Variants in COPG1 observed in about 807,000 individuals in gnomAD.
COPG1 encodes the protein coatomer subunit gamma-1.
A neutral mutation model predicts 102.8 loss-of-function variants in COPG1; 29 were observed. That is an observed-to-expected ratio of 0.28 (90% CI 0.21 to 0.38). The LOEUF is 0.38. Among genes scored for constraint, COPG1 ranks in the 10% least tolerant of loss-of-function variants. COPG1 has a pLI of 1.00. For synonymous variants in COPG1, 406 were observed against 421.6 expected (o/e 0.96, Z 0.45); for missense variants, 875 against 1,132.7 (o/e 0.77, Z 3.27).
chr3:129,255,594 T>A (rs180842915), intron 7 of COPG1, among the ~76,000 whole-genome samples: 23 of 152,046 alleles, frequency 1.5e-4, no homozygotes, highest in Non-Finnish European at 3.1e-4. Flanking sequence ...GCGATTCACA[T>A]GCCTCAGCCA....
intron 16 of COPG1, 138 bp from the exon 17 acceptor site, chr3:129,268,357 A>G (rs1940111004): frequency 3.7e-6 from 3 of 801,202 alleles, no homozygotes; most frequent in Non-Finnish European, 1.9e-6. Context: ...GAGAATGCAG[A>G]GGCTTAGAGA....
intron 6 of COPG1, 55 bp from the exon 7 acceptor site, chr3:129,254,930 G>C (rs940247719): frequency 6.8e-7 from 1 of 1,468,308 alleles, no homozygotes; most frequent in Non-Finnish European, 9.5e-7. Context: ...CTGCACTCCT[G>C]AGAGCTGCCA....
chr3:129,276,309 C>T (rs1410999925), intron 23 of COPG1, among the ~76,000 whole-genome samples: 4 of 152,108 alleles, frequency 2.6e-5, no homozygotes, highest in Non-Finnish European at 4.4e-5. Flanking sequence ...GTCTTATTTT[C>T]TACAGGGTTG....
At chr3:129,277,227 C>T (rs1328009007) in intron 23 of COPG1, 67 bp from the exon 24 acceptor site, 1 of 1,555,038 alleles carries the variant, frequency 6.4e-7, no homozygotes, top group Non-Finnish European at 8.8e-7. Flanking sequence ...GCTGCAAATG[C>T]CATCCTTAGC....
At chr3:129,273,971 C>T (rs888092624) in intron 21 of COPG1, 4 of 454,348 alleles carry the variant, frequency 8.8e-6, no homozygotes, top group African/African-American at 8.0e-5. Context: ...GACCATTATG[C>T]TCAGCCTGTG....
Position 129,275,102 on chromosome 3 carries a change from A to T in COPG1, c.2396-92A>T. 6.7e-7 allele frequency: 1 copy of T among 1,498,858 alleles called. No homozygotes were observed. The highest frequency in any genetic ancestry group is 2.3e-5 in the East Asian group (1 of 44,092). 92.8% of individuals were successfully genotyped at this position (1,498,858 alleles called of 1,614,324 possible). A position where few individuals can be genotyped will look rare whatever the true frequency, so the allele number is the denominator to read the frequency against. Reference sequence around the variant, plus strand: ...GTCTGGAGCACATATGTCAAATGCCACTTCATTAAAAGCCCTTCAGAACAT... The same window carrying T: ...GTCTGGAGCACATATGTCAAATGCCTCTTCATTAAAAGCCCTTCAGAACAT... On this transcript the variant is annotated intron_variant, in intron 22 of 23. Coordinates refer to ENST00000314797, the MANE Select transcript of COPG1 (RefSeq NM_016128.4). This position sits in a 1 kb window ranked among gnomAD's most constrained non-coding sequence, Gnocchi z 5.0.
At chr3:129,259,611 A>G (rs143822876) in intron 10 of COPG1, among the ~76,000 whole-genome samples, 1 of 151,978 alleles carries the variant, frequency 6.6e-6, no homozygotes, top group Admixed American at 6.6e-5. Context: ...ATTAAGAAAA[A>G]TTTTTTTTGA....
chr3:129,252,395 G>A (rs1442861650), intron 3 of COPG1, 34 bp downstream of exon 3: 2 of 1,463,022 alleles, frequency 1.4e-6, no homozygotes, highest in Non-Finnish European at 1.9e-6. Flanking sequence ...AGGGAGAATG[G>A]TGCTGGGGGA....
intron 7 of COPG1, among the ~76,000 whole-genome samples, chr3:129,255,375 C>T (rs767721413): frequency 6.0e-4 from 92 of 152,110 alleles, no homozygotes; most frequent in Non-Finnish European, 1.1e-3. Context: ...GACAGGGTTT[C>T]ATCATCTTGG....
In COPG1 at chr3:129,277,299, TTCCGGGGTGGTCATGACATCCTGGTGCGC is replaced by T. The variant is rs1340698341; in HGVS notation, c.2504_2532del (p.Arg835ProfsTer37). 1 of 1,613,972 alleles carries T rather than the reference TTCCGGGGTGGTCATGACATCCTGGTGCGC, an allele frequency of 6.2e-7. No homozygotes were observed. The highest frequency in any genetic ancestry group is 8.5e-7 in the Non-Finnish European group (1 of 1,179,956). ...ACTTCTCTCTTCCCTTCTAGGTGTGTTCCGGGGTGGTCATGACATCCTGGTGCGCTCCCGGCTGCTGCTTTTGGACACAG... is the reference window on the plus strand; with the variant it reads ...ACTTCTCTCTTCCCTTCTAGGTGTGTTCCCGGCTGCTGCTTTTGGACACAG... On this transcript the variant is annotated frameshift_variant, in exon 24 of 24. Coordinates refer to ENST00000314797, the MANE Select transcript of COPG1 (RefSeq NM_016128.4). LOFTEE classifies it high-confidence loss of function.
intron 18 of COPG1, among the ~76,000 whole-genome samples, chr3:129,269,489 A>G (rs1210354929): frequency 2.0e-5 from 3 of 152,180 alleles, no homozygotes; most frequent in Non-Finnish European, 1.5e-5. Flanking sequence ...TTCAGTAGAT[A>G]AAAGCATAGA....
At chr3:129,266,928 C>A in intron 14 of COPG1, 96 bp from the exon 15 acceptor site, 1 of 1,026,310 alleles carries the variant, frequency 9.7e-7, no homozygotes, top group Non-Finnish European at 1.5e-6. Flanking sequence ...GCCTCTGGGG[C>A]TCTTCTGCCT....
chr3:129,256,788 C>T (rs1939819273), intron 8 of COPG1, among the ~76,000 whole-genome samples: 3 of 152,314 alleles, frequency 2.0e-5, no homozygotes, highest in Admixed American at 2.0e-4. Flanking sequence ...CCAGCTGTGG[C>T]CCCTCAAAAC....
chr3:129,255,818 G>A (rs1939798589), intron 7 of COPG1, among the ~76,000 whole-genome samples: 1 of 152,158 alleles, frequency 6.6e-6, no homozygotes, highest in Non-Finnish European at 1.5e-5. Flanking sequence ...AAGCCTGAGA[G>A]TCCCACCCTT....
At position 129,252,754 on chromosome 3, in the gene COPG1, G is replaced by A. The variant is rs1007107817; in HGVS notation, c.243+60G>A. 1.9e-5 allele frequency: 29 copies of A among 1,557,150 alleles called. No individual in the cohort carries two copies. The African/African-American group carries it at 3.7e-4, about 20-fold the overall frequency. On this transcript the variant is annotated intron_variant, in intron 4 of 23. Coordinates refer to ENST00000314797, the MANE Select transcript of COPG1 (RefSeq NM_016128.4). The stretch of plus-strand genomic sequence containing the variant: ...GCAGCTGTAACAAGGTGGTGGGAGG[G>A]CCAAAGAGAGCTGGCCCCACCAGTC...
chr3:129,250,853 G>A, intron 2 of COPG1, 119 bp downstream of exon 2: 3 of 851,846 alleles, frequency 3.5e-6, no homozygotes, highest in Non-Finnish European at 5.7e-6. Flanking sequence ...ACTTGTGCCT[G>A]GAAGTTTTCT....
At chr3:129,266,217 G>A (rs577071674) in intron 14 of COPG1, among the ~76,000 whole-genome samples, 6 of 152,074 alleles carry the variant, frequency 3.9e-5, no homozygotes, top group South Asian at 2.1e-4. Flanking sequence ...TCATCTGCCC[G>A]CCTCGGCCTC....
chr3:129,250,625 G>A, intron 1 of COPG1, 57 bp from the exon 2 acceptor site: 4 of 1,383,164 alleles, frequency 2.9e-6, no homozygotes, highest in African/African-American at 1.4e-5. Context: ...ACCTATGTCT[G>A]GGAGAGTTTT....
chr3:129,277,734 C>G lies in COPG1; in HGVS notation c.*310C>G. 1 of 281,640 alleles carries G rather than the reference C, an allele frequency of 3.6e-6. No homozygotes were observed. The highest frequency in any genetic ancestry group is 3.9e-5 in the South Asian group (1 of 25,788). The allele number at this position is 281,640 out of a possible 1,614,324, so 17.4% of individuals were successfully genotyped here. The stretch of plus-strand genomic sequence containing the variant: ...CCTCTTGAATCTATCCCCCAAGAAA[C>G]CATCTTATCCCTGTAATAAATCAGC... On this transcript the variant is annotated 3_prime_UTR_variant, in exon 24 of 24. Coordinates refer to ENST00000314797, the MANE Select transcript of COPG1 (RefSeq NM_016128.4).
Sources: allele counts gnomAD v4.1 joint callset (sites outside exome capture counted in the v4.1 genomes callset), GRCh38; gene constraint gnomAD v4.1.1; non-coding constraint Gnocchi (gnomAD v3.1); transcripts MANE v1.5; gene names NCBI Gene and HGNC (gene_info 2026-07-23, HGNC 2026-07-21).